The following HERC6 variants were observed in gnomAD, a reference collection of about 807,000 sequenced individuals.
The protein encoded by HERC6 is HECT and RLD domain containing E3 ubiquitin protein ligase family member 6.
Under a neutral mutation model 114.5 loss-of-function variants are expected in HERC6, and 101 were observed. The ratio of observed to expected loss-of-function variants is 0.88; its 90% CI spans 0.75 to 1.04. The LOEUF (loss-of-function observed/expected upper bound fraction) is 1.04, where lower values mean the gene tolerates loss of function less well. HERC6 is among the 50% of genes least tolerant of loss of function. The pLI is 0.00. For synonymous variants in HERC6, 408 were observed against 436.2 expected, an observed-to-expected ratio of 0.94 and a Z score of 0.81; for missense variants, 1,133 against 1,230.9, an observed-to-expected ratio of 0.92 and a Z score of 1.19.
intron 1 of HERC6, 26 bp from the exon 2 acceptor site, chr4:88,383,195 G>A (rs548415456): frequency 1.1e-5 from 17 of 1,603,466 alleles, no homozygotes; most frequent in Non-Finnish European, 1.0e-5. Context: ...TGGTGGTTGG[G>A]GGGTGTTTTG....
chr4:88,430,497 G>A (rs1456684021), intron 16 of HERC6, among the ~76,000 whole-genome samples: 1 of 151,968 alleles, frequency 6.6e-6, no homozygotes, highest in Non-Finnish European at 1.5e-5. Context: ...TTGAACCCAG[G>A]AGGTGGAGAT....
In HERC6 at chr4:88,441,566, A is replaced by C. The variant is rs544518258; in HGVS notation, c.2843-668A>C. ...AAGAACTTCTCTTGGTGGGAACCCT[A>C]AGGTTTCTCTAGGGCAGACTTAATG... On this transcript the variant is annotated intron_variant, in intron 22 of 22. Coordinates refer to ENST00000264346, the MANE Select transcript of HERC6 (RefSeq NM_017912.4). Among the ~76,000 whole-genome samples the C allele has an allele frequency of 5.3e-5, 8 of 152,194 alleles. No individual in the cohort carries two copies. The South Asian group carries it at 1.5e-3, about 28-fold the overall frequency.
intron 1 of HERC6, among the ~76,000 whole-genome samples, chr4:88,380,446 C>T (rs1344800606): frequency 4.7e-5 from 6 of 126,716 alleles, no homozygotes; most frequent in African/African-American, 9.0e-5. Flanking sequence ...AGGCCGGACG[C>T]GGTGGCTTAC....
At chr4:88,436,496 G>GA (rs1738761332) in intron 18 of HERC6, among the ~76,000 whole-genome samples, 1 of 152,184 alleles carries the variant, frequency 6.6e-6, no homozygotes, top group African/African-American at 2.4e-5. Flanking sequence ...TTTGTTGTGG[G>GA]AGACTGTCCT....
At chr4:88,379,787 C>A (rs1278527028) in intron 1 of HERC6, among the ~76,000 whole-genome samples, 19 of 52,044 alleles carry the variant, frequency 3.7e-4, no homozygotes, top group Non-Finnish European at 4.3e-4. Flanking sequence ...ATATATATAA[C>A]ATATAAATAT....
Position 88,396,034 on chromosome 4 carries a change from T to C in HERC6, c.779T>C (p.Phe260Ser). ...VLTQDGKVFT[F>S]GDNRSGQLGY... ...AAGCAGGACGGGAAAGTGTTCACATTTGGAGACAATCGCTCTGGACAGCTG... is the reference window on the plus strand; with the variant it reads ...AAGCAGGACGGGAAAGTGTTCACATCTGGAGACAATCGCTCTGGACAGCTG... Residue 260 changes from phenylalanine (F) to serine (S), a missense_variant, in exon 6 of 23, where the codon TTT (phenylalanine) becomes TCT (serine). By Grantham distance (155) the Phe-to-Ser change is radical. This residue lies in a region of HERC6 where 735 missense variants were observed against 754.0 expected (regional missense o/e 0.97). Coordinates refer to ENST00000264346, the MANE Select transcript of HERC6 (RefSeq NM_017912.4). 1 of 1,600,142 alleles carries C rather than the reference T, an allele frequency of 6.2e-7. No homozygotes were observed. The highest frequency in any genetic ancestry group is 8.5e-7 in the Non-Finnish European group (1 of 1,173,584).
chr4:88,411,481 T>C (rs923162121), intron 11 of HERC6, among the ~76,000 whole-genome samples: 8 of 152,214 alleles, frequency 5.3e-5, no homozygotes, highest in African/African-American at 1.9e-4. Context: ...CTGCTAGACA[T>C]GTGAAAAAGC....
intron 16 of HERC6, among the ~76,000 whole-genome samples, chr4:88,429,454 A>T (rs1367788958): frequency 6.6e-6 from 1 of 152,186 alleles, no homozygotes. Flanking sequence ...TAGTTTCATC[A>T]CTTAAGACCT....
intron 8 of HERC6, 41 bp from the exon 9 acceptor site, chr4:88,404,835 G>A (rs1031005593): frequency 6.2e-7 from 1 of 1,607,294 alleles, no homozygotes; most frequent in Non-Finnish European, 8.5e-7. Flanking sequence ...TACTGAACGT[G>A]TGTGTGTTCC....
chr4:88,415,010 G>A (rs563163189), intron 12 of HERC6, among the ~76,000 whole-genome samples: 1 of 152,218 alleles, frequency 6.6e-6, no homozygotes, highest in South Asian at 2.1e-4. Flanking sequence ...CTGGGTGACA[G>A]AGCAATACCC....
intron 1 of HERC6, among the ~76,000 whole-genome samples, chr4:88,379,846 AAT>A (rs1161770497): frequency 1.7e-4 from 12 of 70,064 alleles, no homozygotes; most frequent in Admixed American, 5.8e-4. Context: ...ATAATATATA[AAT>A]ATATATATAG....
intron 1 of HERC6, among the ~76,000 whole-genome samples, chr4:88,379,804 T>C (rs867119515): frequency 1.5e-3 from 121 of 79,642 alleles, no homozygotes; most frequent in East Asian, 0.011. Context: ...ATATATATAA[T>C]ATATAAATAT....
chr4:88,437,071 T>A (rs1470826794), intron 19 of HERC6, 100 bp downstream of exon 19: 9 of 820,724 alleles, frequency 1.1e-5, no homozygotes, highest in East Asian at 3.0e-5. Flanking sequence ...TTTTTTTTTT[T>A]ATTGAGGCAG....
In HERC6 at chr4:88,442,606, C is replaced by A; in HGVS notation, c.*146C>A. 1.5e-6 allele frequency: 1 copy of A among 679,934 alleles called. No homozygotes were observed. Among genetic ancestry groups the A allele is most frequent in the Non-Finnish European group, 2.6e-6 (1 of 388,958 alleles). 42.1% of individuals were successfully genotyped at this position (679,934 alleles called of 1,614,324 possible). ...GGAATGGGGAGATGATGATGATGGTCAAAGGGTGCAAAATCTCACACAAGA... is the reference window on the plus strand; with the variant it reads ...GGAATGGGGAGATGATGATGATGGTAAAAGGGTGCAAAATCTCACACAAGA... On this transcript the variant is annotated 3_prime_UTR_variant, in exon 23 of 23. Transcript: ENST00000264346.
At chr4:88,430,213 G>A (rs116679583) in intron 16 of HERC6, among the ~76,000 whole-genome samples, 2,176 of 152,244 alleles carry the variant, frequency 0.014, 26 homozygotes, top group Middle Eastern at 0.034. Flanking sequence ...AAAAAAGGAT[G>A]TAGAAAAGAA....
intron 8 of HERC6, among the ~76,000 whole-genome samples, chr4:88,400,012 G>A (rs1735450785): frequency 6.6e-6 from 1 of 152,100 alleles, no homozygotes. Context: ...GTGACAGAAG[G>A]CCAGTGAGGC....
Position 88,442,233 on chromosome 4 carries a change from G to A in HERC6, c.2843-1G>A. Reference sequence around the variant, plus strand: ...CTTAACCAAATTTTATTCCTTTCTAGTTTTCCTTACAGGACGTGATAGGCT... The same window carrying A: ...CTTAACCAAATTTTATTCCTTTCTAATTTTCCTTACAGGACGTGATAGGCT... On this transcript the variant is annotated splice_acceptor_variant, in intron 22 of 22. Transcript: ENST00000264346. LOFTEE classifies it high-confidence loss of function. The A allele has an allele frequency of 6.2e-7, 1 of 1,603,988 alleles. No homozygotes were observed. Among genetic ancestry groups the A allele is most frequent in the Non-Finnish European group, 8.5e-7 (1 of 1,174,008 alleles).
Position 88,440,047 on chromosome 4 carries a change from A to G in HERC6, c.2729A>G (p.Gln910Arg), listed in dbSNP as rs774531840. 2.5e-6 allele frequency: 4 copies of G among 1,610,674 alleles called. No individual in the cohort carries two copies. In the Admixed American group the frequency reaches 5.1e-5, roughly 20 times the overall value. Residue 910 changes from glutamine to arginine, a missense_variant, in exon 21 of 23, where the codon CAG (glutamine) becomes CGG (arginine). Gln to Arg is a conservative substitution (Grantham distance 43). This residue lies in a region of HERC6 where 388 missense variants were observed against 445.9 expected (regional missense o/e 0.87). Coordinates refer to ENST00000264346, the MANE Select transcript of HERC6 (RefSeq NM_017912.4). ...GGAAATACTGATTATGACTGGAAACAGTTTGAACAGGTAGGTGATACCTAA... is the reference window on the plus strand; with the variant it reads ...GGAAATACTGATTATGACTGGAAACGGTTTGAACAGGTAGGTGATACCTAA... ...IIGNTDYDWK[Q>R]FEQNSKYEQG...
intron 20 of HERC6, 114 bp from the exon 21 acceptor site, chr4:88,439,760 G>C (rs564548416): frequency 9.9e-6 from 10 of 1,015,140 alleles, no homozygotes; most frequent in African/African-American, 8.4e-5. Flanking sequence ...CTATATAGAA[G>C]TAATTTACTT....
Sources: allele counts gnomAD v4.1 joint callset (sites outside exome capture counted in the v4.1 genomes callset), GRCh38; gene constraint gnomAD v4.1.1; regional missense constraint gnomAD v4.1.1; transcripts MANE v1.5; gene names NCBI Gene and HGNC (gene_info 2026-07-23, HGNC 2026-07-21).